Variants in UBE2Q2 observed in about 807,000 individuals in gnomAD.
UBE2Q2 encodes ubiquitin conjugating enzyme E2 Q2.
UBE2Q2 carries 54 observed loss-of-function variants against 59.9 expected under a neutral mutation model. The ratio of observed to expected loss-of-function variants is 0.90; its 90% confidence interval spans 0.72 to 1.13. The LOEUF (loss-of-function observed/expected upper bound fraction) is 1.13. Ranked by LOEUF, UBE2Q2 falls within the 50% of genes most tolerant of loss-of-function variation. UBE2Q2 has a pLI of 0.00. For missense variants in UBE2Q2, 433 were observed against 441.9 expected (o/e 0.98, Z 0.18); for synonymous variants, 165 against 155.2 (o/e 1.06, Z -0.47).
At chr15:75,875,693 A>T (rs1424805606) in intron 5 of UBE2Q2, among the ~76,000 whole-genome samples, 1 of 152,210 alleles carries the variant, frequency 6.6e-6, no homozygotes, top group African/African-American at 2.4e-5. Context: ...TAGGAAATGA[A>T]CTAGACTTGT....
intron 7 of UBE2Q2, chr15:75,878,245 A>G (rs1209419321): frequency 5.8e-6 from 3 of 518,320 alleles, no homozygotes; most frequent in Non-Finnish European, 1.0e-5. Flanking sequence ...TGCGGGATAA[A>G]GTGTTTTATG....
chr15:75,879,461 G>A (rs1331995851), intron 8 of UBE2Q2, among the ~76,000 whole-genome samples: 1 of 152,194 alleles, frequency 6.6e-6, no homozygotes, highest in Non-Finnish European at 1.5e-5. Context: ...GTGGTTTACA[G>A]CTATGTGGGA....
intron 5 of UBE2Q2, among the ~76,000 whole-genome samples, chr15:75,874,818 G>A (rs1897987863): frequency 6.6e-6 from 1 of 152,110 alleles, no homozygotes; most frequent in Non-Finnish European, 1.5e-5. Context: ...TTTTTGCCTT[G>A]TGTTAGAGCT....
intron 8 of UBE2Q2, 135 bp downstream of exon 8, chr15:75,879,323 G>A (rs1028684817): frequency 2.7e-5 from 14 of 519,212 alleles, no homozygotes; most frequent in African/African-American, 9.9e-5. Flanking sequence ...CATATTCTCC[G>A]TTAAGACGTG....
intron 9 of UBE2Q2, among the ~76,000 whole-genome samples, chr15:75,885,705 T>A (rs1898724379): frequency 6.6e-6 from 1 of 152,222 alleles, no homozygotes; most frequent in African/African-American, 2.4e-5. Flanking sequence ...GTTAGAGGTT[T>A]CCTTTTGACA....
intron 7 of UBE2Q2, among the ~76,000 whole-genome samples, chr15:75,878,827 AT>A (rs1212824548): frequency 2.0e-5 from 3 of 151,854 alleles, no homozygotes; most frequent in Non-Finnish European, 4.4e-5. Flanking sequence ...TCATGTGACT[AT>A]TTTCCTTTAG....
chr15:75,868,099 T>C (rs901883946), intron 3 of UBE2Q2, among the ~76,000 whole-genome samples: 4 of 152,222 alleles, frequency 2.6e-5, no homozygotes, highest in African/African-American at 7.2e-5. Context: ...TCTTGAGAAT[T>C]ATTCCATCAG....
At chr15:75,843,963 G>A in intron 1 of UBE2Q2, 117 bp downstream of exon 1, 1 of 1,407,488 alleles carries the variant, frequency 7.1e-7, no homozygotes, top group Non-Finnish European at 9.2e-7. Flanking sequence ...GGCGGGGCAG[G>A]CCCGCCCCTT....
intron 9 of UBE2Q2, among the ~76,000 whole-genome samples, chr15:75,884,069 A>G (rs1319860158): frequency 6.6e-6 from 1 of 152,200 alleles, no homozygotes; most frequent in Non-Finnish European, 1.5e-5. Context: ...CTTGCAGTTT[A>G]TTAGGGTCAA....
At chr15:75,876,937 A>C (rs1455769096) in intron 6 of UBE2Q2, among the ~76,000 whole-genome samples, 1 of 152,082 alleles carries the variant, frequency 6.6e-6, no homozygotes, top group African/African-American at 2.4e-5. Flanking sequence ...TGGTCAGCTC[A>C]CCTGAGGTCA....
intron 12 of UBE2Q2, among the ~76,000 whole-genome samples, chr15:75,898,065 A>G (rs1899530027): frequency 6.6e-6 from 1 of 152,122 alleles, no homozygotes; most frequent in African/African-American, 2.4e-5. Context: ...ATCCAAAGAA[A>G]CCTGTGTACT....
intron 11 of UBE2Q2, chr15:75,894,928 T>G (rs1899312851): frequency 6.6e-6 from 1 of 152,116 alleles, no homozygotes; most frequent in Non-Finnish European, 1.5e-5. Flanking sequence ...CTTTTTTGCC[T>G]GTAATCCCAG....
chr15:75,843,749 G>T lies in UBE2Q2; in HGVS notation c.83G>T (p.Ser28Ile). ...AACCACGAGCGATTCCGCATCGTCAGTTGGAAGCTGGACGAGCTGCACTGC... is the reference window on the plus strand; with the variant it reads ...AACCACGAGCGATTCCGCATCGTCATTTGGAAGCTGGACGAGCTGCACTGC... ...DKNHERFRIV[S>I]WKLDELHCQF... Residue 28 changes from serine to isoleucine, a missense_variant, in exon 1 of 13, where the codon AGT (serine) becomes ATT (isoleucine). By Grantham distance (142) the Ser-to-Ile change is moderately radical (BLOSUM62 -2). Transcript: ENST00000267938. 7.4e-6 allele frequency: 12 copies of T among 1,611,422 alleles called. No individual in the cohort carries two copies. The highest frequency in any genetic ancestry group is 2.2e-5 in the East Asian group (1 of 44,666).
At chr15:75,874,368 C>T (rs770587265) in intron 5 of UBE2Q2, among the ~76,000 whole-genome samples, 3 of 151,338 alleles carry the variant, frequency 2.0e-5, no homozygotes, top group African/African-American at 2.4e-5. Context: ...ACTGCAGCTT[C>T]CACCTCCCAG....
At chr15:75,894,407 AAAAAC>A (rs569005095) in intron 11 of UBE2Q2, among the ~76,000 whole-genome samples, 19 of 152,062 alleles carry the variant, frequency 1.2e-4, no homozygotes, top group Non-Finnish European at 2.2e-4. Flanking sequence ...TCTCTGTAAA[AAAAAC>A]AAAACAAAAC....
At chr15:75,877,476 A>G (rs1017472724) in intron 6 of UBE2Q2, among the ~76,000 whole-genome samples, 1 of 140,766 alleles carries the variant, frequency 7.1e-6, no homozygotes, top group Non-Finnish European at 1.6e-5. Flanking sequence ...CATTGTTTAT[A>G]TAGAAAAAAA....
chr15:75,876,928 G>A (rs1014992226), intron 6 of UBE2Q2, among the ~76,000 whole-genome samples: 1 of 152,072 alleles, frequency 6.6e-6, no homozygotes, highest in Non-Finnish European at 1.5e-5. Context: ...AGGCCAAGGT[G>A]GTCAGCTCAC....
At chr15:75,868,778 CTTAT>C (rs1276464974) in intron 3 of UBE2Q2, among the ~76,000 whole-genome samples, 169 bp from the exon 4 acceptor site, 1 of 152,052 alleles carries the variant, frequency 6.6e-6, no homozygotes, top group East Asian at 1.9e-4. Flanking sequence ...AAGCTGATAA[CTTAT>C]TTGTTAGTCA....
intron 3 of UBE2Q2, among the ~76,000 whole-genome samples, chr15:75,860,745 A>G (rs552744413): frequency 2.0e-5 from 3 of 152,022 alleles, no homozygotes; most frequent in Non-Finnish European, 4.4e-5. Flanking sequence ...CTCTGTGCCC[A>G]TCTTGGCAGG....
Sources: gnomAD v4.1 joint callset for allele counts (sites outside exome capture counted in the v4.1 genomes callset) on GRCh38, gnomAD v4.1.1 for gene constraint, MANE v1.5 for transcripts, NCBI Gene and HGNC (gene_info 2026-07-23, HGNC 2026-07-21) for gene names.